CFAP65: variants seen among roughly 807,000 people sequenced by gnomAD.
CFAP65 encodes cilia and flagella associated protein 65.
CFAP65 carries 155 observed loss-of-function variants against 208.0 expected under a neutral mutation model. The observed-to-expected ratio is 0.75, with a 90% CI of 0.65 to 0.85. CFAP65 has a LOEUF of 0.85. CFAP65 is among the 40% of genes least tolerant of loss of function. The pLI, the probability that CFAP65 is intolerant of heterozygous loss-of-function variation, is 0.00. For synonymous variants in CFAP65, 970 were observed against 986.3 expected (o/e 0.98, Z 0.31); for missense variants, 2,294 against 2,451.3 (o/e 0.94, Z 1.36).
intron 21 of CFAP65, 44 bp downstream of exon 21, chr2:219,019,007 G>A: frequency 1.2e-6 from 2 of 1,613,058 alleles, no homozygotes; most frequent in South Asian, 1.1e-5. Context: ...CAGCCTCTAG[G>A]CACTTGTCTC....
Position 219,031,258 on chromosome 2 carries a change from A to T in CFAP65, c.863T>A (p.Met288Lys). 6.2e-7 allele frequency: 1 copy of T among 1,613,942 alleles called. No homozygotes were observed. Among genetic ancestry groups the T allele is most frequent in the Non-Finnish European group, 8.5e-7 (1 of 1,179,972 alleles). ...CTCCAGGAGCCCCGTGGCGGGCAGC[A>T]TCTGGAATGGGCTGGAGAACTCCCA... Reference protein sequence around the residue: ...FTWEFSSPFQMLPATGLLEPG... With the variant: ...FTWEFSSPFQKLPATGLLEPG... Residue 288 changes from methionine (M) to lysine (K), a missense_variant, in exon 8 of 35, where the codon ATG becomes AAG. Coordinates refer to ENST00000341552, the MANE Select transcript of CFAP65 (RefSeq NM_194302.4). This position sits in a 1 kb window ranked among gnomAD's most constrained non-coding sequence, Gnocchi z 5.2.
chr2:219,024,694 C>T (rs934304415), intron 14 of CFAP65, among the ~76,000 whole-genome samples: 15 of 152,102 alleles, frequency 9.9e-5, no homozygotes, highest in East Asian at 3.9e-4. Flanking sequence ...CCCAGCACTC[C>T]GGGAGGCTGA....
chr2:219,008,048 A>G (rs1165234342), intron 29 of CFAP65, among the ~76,000 whole-genome samples: 1 of 151,830 alleles, frequency 6.6e-6, no homozygotes, highest in African/African-American at 2.4e-5. Context: ...TGAACTCCTG[A>G]CCTCAAGTGA....
intron 5 of CFAP65, among the ~76,000 whole-genome samples, chr2:219,033,200 A>C (rs1311870727): frequency 6.6e-6 from 1 of 152,258 alleles, no homozygotes; most frequent in African/African-American, 2.4e-5. Flanking sequence ...GGCCAGGCAC[A>C]GTGCCTCACA....
Position 219,004,417 on chromosome 2 carries a change from TC to T in CFAP65, c.5089del (p.Asp1697ThrfsTer31). The T allele has an allele frequency of 6.2e-7, 1 of 1,613,338 alleles. No homozygotes were observed. Among genetic ancestry groups the T allele is most frequent in the Non-Finnish European group, 8.5e-7 (1 of 1,179,640 alleles). Reference sequence around the variant, plus strand: ...CGGCACCTGCTCCACCAGGCTTTGGTCCACAGCCTCATGGAAGTTCTTGTCT... The same window carrying T: ...CGGCACCTGCTCCACCAGGCTTTGGTCACAGCCTCATGGAAGTTCTTGTCT... ...LEDKNFHEAV[D>X]QSLVEQVPYF... On this transcript the variant is annotated frameshift_variant, in exon 33 of 35. Transcript: ENST00000341552. LOFTEE classifies it high-confidence loss of function. The surrounding 1 kb of genome is among the most constrained non-coding windows in gnomAD (Gnocchi z 4.7).
At chr2:219,007,167 T>G (rs1946071311) in intron 29 of CFAP65, among the ~76,000 whole-genome samples, 1 of 140,692 alleles carries the variant, frequency 7.1e-6, no homozygotes, top group Admixed American at 6.8e-5. Flanking sequence ...TGTTTTTGTT[T>G]GTTTTTTTTT....
At position 219,009,811 on chromosome 2, in the gene CFAP65, TG is replaced by T. The variant is rs1369119891; in HGVS notation, c.4452+130del. 196 of 193,920 alleles carry T rather than the reference TG, an allele frequency of 1.0e-3. 1 individual carries two copies. Among genetic ancestry groups the T allele is most frequent in the Middle Eastern group, 5.2e-3 (3 of 580 alleles). The allele number at this position is 193,920 out of a possible 1,614,324, so 12.0% of individuals were successfully genotyped here. ...TGGGATAGGGTGGGATGGGATGGAG[TG>T]GGGGGGGATGGGATGGGATGGGGTT... is the stretch of plus-strand genomic sequence containing the variant. On this transcript the variant is annotated intron_variant, in intron 27 of 34. Transcript: ENST00000341552.
intron 5 of CFAP65, among the ~76,000 whole-genome samples, chr2:219,033,276 C>A (rs945177610): frequency 1.3e-5 from 2 of 152,056 alleles, no homozygotes; most frequent in Non-Finnish European, 2.9e-5. Context: ...TTTGAGACCA[C>A]CCTGGGCAAC....
At chr2:219,019,767 C>T in intron 19 of CFAP65, 48 bp from the exon 20 acceptor site, 1 of 1,527,798 alleles carries the variant, frequency 6.5e-7, no homozygotes, top group South Asian at 1.1e-5. Context: ...CTCCCACCTT[C>T]CCTGGAGGGG....
intron 4 of CFAP65, among the ~76,000 whole-genome samples, chr2:219,036,804 T>A (rs935442721): frequency 3.9e-5 from 6 of 152,224 alleles, no homozygotes; most frequent in Admixed American, 3.9e-4. Context: ...TATAAGGATA[T>A]AGTCATTCAT....
chr2:219,011,983 C>A (rs758884380), intron 24 of CFAP65, among the ~76,000 whole-genome samples: 8 of 152,254 alleles, frequency 5.3e-5, no homozygotes. Flanking sequence ...GGGATTAGTG[C>A]CCTTATAAAA....
At chr2:219,024,487 A>AGGGGGGGGGGG (rs1046581884) in intron 14 of CFAP65, among the ~76,000 whole-genome samples, 1 of 3,110 alleles carries the variant, frequency 3.2e-4, no homozygotes, top group African/African-American at 1.1e-3. Flanking sequence ...GGGGGGGGGC[A>AGGGGGGGGGGG]GGGGGGCGGG....
At position 219,030,766 on chromosome 2, in the gene CFAP65, G is replaced by A; in HGVS notation, c.1084C>T (p.Gln362Ter). Residue 362 changes from glutamine to a stop codon, truncating the protein, a stop_gained, in exon 9 of 35, where the codon CAG becomes TAG. Coordinates refer to ENST00000341552, the MANE Select transcript of CFAP65 (RefSeq NM_194302.4). LOFTEE classifies it high-confidence loss of function. ...ACAGAGCCAAAGTACAACAGCTTCT[G>A]GAAGCCCTCGGCATCCTGGTCCTCC... ...CPEDQDAEGFQKLLYFGSVAV... is the reference protein window; with the variant it reads ...CPEDQDAEGF The A allele has an allele frequency of 6.2e-7, 1 of 1,614,192 alleles. No individual in the cohort carries two copies.
intron 9 of CFAP65, 98 bp from the exon 10 acceptor site, chr2:219,030,306 G>T: frequency 7.9e-7 from 1 of 1,266,152 alleles, no homozygotes; most frequent in Non-Finnish European, 1.1e-6. Flanking sequence ...TAGCCAAGGG[G>T]GTGGGGGCAG....
rs373436770 is a variant in CFAP65 at position 219,013,906 on chromosome 2, C to G, written c.3741G>C (p.Leu1247=). 1.2e-6 allele frequency: 2 copies of G among 1,613,202 alleles called. No homozygotes were observed. Among genetic ancestry groups the G allele is most frequent in the Non-Finnish European group, 1.7e-6 (2 of 1,179,688 alleles). ...CCACCATCTGCTCCTGCCCAGGACT[C>G]AGGCTCCCAGCCTTGGGGCTGATGG... is the stretch of plus-strand genomic sequence containing the variant. ...LFSISPKAGS[L]SPGQEQMVEL... is the part of the protein sequence containing the mutation. Residue 1247 remains leucine (L), a synonymous_variant, in exon 22 of 35, where the codon CTG becomes CTC. Transcript: ENST00000341552.
intron 19 of CFAP65, 55 bp from the exon 20 acceptor site, chr2:219,019,774 G>T (rs1342462896): frequency 1.3e-6 from 2 of 1,511,134 alleles, no homozygotes; most frequent in African/African-American, 2.7e-5. Context: ...CTTCCCTGGA[G>T]GGGGCATGCA....
At position 219,010,021 on chromosome 2, in the gene CFAP65, C is replaced by G; in HGVS notation, c.4373G>C (p.Arg1458Pro). 6.2e-7 allele frequency: 1 copy of G among 1,612,482 alleles called. No individual in the cohort carries two copies. Among genetic ancestry groups the G allele is most frequent in the Non-Finnish European group, 8.5e-7 (1 of 1,179,400 alleles). The change falls in exon 27 of 35, where the codon CGC becomes CCC. Residue 1458 changes from arginine (R) to proline (P), a missense_variant. Arg to Pro is a moderately radical substitution (Grantham distance 103). This residue lies in a region of CFAP65 where 1,427 missense variants were observed against 1,438.7 expected (regional missense o/e 0.99). Coordinates refer to ENST00000341552, the MANE Select transcript of CFAP65 (RefSeq NM_194302.4). Reference sequence around the variant, plus strand: ...GGAGATGTTGTTGAGGAAGAGCAGGCGGCTGCACTTGCTCTGCACAGGTAT... The same window carrying G: ...GGAGATGTTGTTGAGGAAGAGCAGGGGGCTGCACTTGCTCTGCACAGGTAT... ...GNIPVQSKCS[R>P]LLFLNNISKN... is the part of the protein sequence containing the mutation.
Position 219,025,896 on chromosome 2 carries a change from G to A in CFAP65, c.2349+126C>T, listed in dbSNP as rs1012214803. The A allele has an allele frequency of 4.1e-6, 5 of 1,210,790 alleles. No homozygotes were observed. In the African/African-American group the frequency reaches 7.6e-5, roughly 18 times the overall value. The allele number at this position is 1,210,790 out of a possible 1,614,324, so 75.0% of individuals were successfully genotyped here. On this transcript the variant is annotated intron_variant, in intron 14 of 34. Transcript: ENST00000341552. ...CCCAGAATTGGCACAGCGGACGTGG[G>A]GACAGCCAGGGAGGGTGCAAAGATG...
intron 4 of CFAP65, among the ~76,000 whole-genome samples, chr2:219,036,328 T>C (rs545608988): frequency 6.6e-6 from 1 of 152,026 alleles, no homozygotes; most frequent in South Asian, 2.1e-4. Flanking sequence ...CCTTTCTAGA[T>C]GAAGAAGGAG....
Sources: gnomAD v4.1 joint callset for allele counts (sites outside exome capture counted in the v4.1 genomes callset) on GRCh38, gnomAD v4.1.1 for gene constraint, gnomAD v4.1.1 regional missense constraint, Gnocchi (gnomAD v3.1) non-coding constraint, MANE v1.5 for transcripts, NCBI Gene and HGNC (gene_info 2026-07-23, HGNC 2026-07-21) for gene names.